Variants in PPP1R11 observed in about 807,000 individuals in gnomAD.
PPP1R11 encodes the protein E3 ubiquitin-protein ligase PPP1R11.
In PPP1R11, 10 loss-of-function variants were observed where a neutral mutation model predicts 11.3. The observed-to-expected ratio is 0.88, with a 90% CI of 0.55 to 1.50. The LOEUF (loss-of-function observed/expected upper bound fraction) is 1.50, where lower values mean the gene tolerates loss of function less well. PPP1R11 is among the 40% of genes most tolerant of loss of function. The pLI, the probability that PPP1R11 is intolerant of heterozygous loss-of-function variation, is 0.00. For missense variants in PPP1R11, 114 were observed against 179.1 expected (o/e 0.64, Z 2.07); for synonymous variants, 56 against 62.3 (o/e 0.90, Z 0.48).
rs1765765750 is a variant in PPP1R11 at position 30,069,365 on chromosome 6, A to G, written c.*59A>G. The G allele has an allele frequency of 1.5e-6, 2 of 1,312,324 alleles. No homozygotes were observed. The highest frequency in any genetic ancestry group is 4.4e-5 in the Admixed American group (2 of 45,570). 81.3% of individuals were successfully genotyped at this position (1,312,324 alleles called of 1,614,324 possible). A position where few individuals can be genotyped will look rare whatever the true frequency, so the allele number is the denominator to read the frequency against. ...TGGCCCTAAATGTATCCATGTGGCT[A>G]CTTCTCCAGCCCCCTCCTTCCCTCT... On this transcript the variant is annotated 3_prime_UTR_variant, in exon 3 of 3. Transcript: ENST00000376772. The surrounding 1 kb of genome is among the most constrained non-coding windows in gnomAD (Gnocchi z 6.6).
At chr6:30,064,471 A>G (rs925952819), upstream of PPP1R11, among the ~76,000 whole-genome samples, 2 of 151,116 alleles carry the variant, frequency 1.3e-5, no homozygotes, top group East Asian at 3.9e-4. Context: ...CTTTGCTTTG[A>G]GGTTATAACT....
intron 1 of PPP1R11, chr6:30,068,309 C>T (rs970803607): frequency 3.4e-6 from 1 of 290,812 alleles, no homozygotes; most frequent in East Asian, 5.8e-5. Flanking sequence ...GGAGAAACAG[C>T]AAGGATTATA....
upstream of PPP1R11, chr6:30,062,123 A>T: frequency 6.9e-7 from 1 of 1,450,020 alleles, no homozygotes; most frequent in Admixed American, 1.7e-5. Flanking sequence ...AAGAGGGAAA[A>T]GAGATGTAAA....
upstream of PPP1R11, chr6:30,062,427 G>A (rs149510733): frequency 7.1e-5 from 57 of 802,028 alleles, no homozygotes; most frequent in East Asian, 1.5e-3. Flanking sequence ...GTTTCCCTTG[G>A]TCCCATCCCT....
chr6:30,063,752 T>C (rs1765298247), upstream of PPP1R11, among the ~76,000 whole-genome samples: 1 of 152,196 alleles, frequency 6.6e-6, no homozygotes. The surrounding 1 kb of genome is among the most constrained non-coding windows in gnomAD (Gnocchi z 4.1). Context: ...CATTTGTGTT[T>C]CTTTTCTAGG....
chr6:30,068,299 G>A (rs576510557), intron 1 of PPP1R11: 6 of 262,200 alleles, frequency 2.3e-5, no homozygotes, highest in Non-Finnish European at 2.9e-5. Context: ...GGAGGAAGAC[G>A]GAGAAACAGC....
intron 2 of PPP1R11, 105 bp from the exon 3 acceptor site, chr6:30,068,999 A>C (rs1765734043): frequency 8.3e-7 from 1 of 1,203,070 alleles, no homozygotes; most frequent in African/African-American, 1.5e-5. Flanking sequence ...TGGATCCTGG[A>C]AGGTAGGAGA....
chr6:30,061,315 T>C, the PPP1R11 span: 1 of 511,950 alleles, frequency 2.0e-6, no homozygotes, highest in Admixed American at 3.6e-5. The surrounding 1 kb of genome is among the most constrained non-coding windows in gnomAD (Gnocchi z 5.0). Flanking sequence ...CACCGGCCCC[T>C]GGAAAGGGTT....
upstream of PPP1R11, among the ~76,000 whole-genome samples, chr6:30,064,247 T>C (rs1230908507): frequency 1.3e-5 from 2 of 152,042 alleles, no homozygotes; most frequent in Non-Finnish European, 2.9e-5. Context: ...TAGTCAGATA[T>C]ATCTTTTAAA....
At chr6:30,066,693 T>C (rs1161428300), upstream of PPP1R11, 1 of 152,298 alleles carries the variant, frequency 6.6e-6, no homozygotes, top group Non-Finnish European at 1.5e-5. Flanking sequence ...TGCACTAAAC[T>C]GAACTGCTCA....
chr6:30,067,819 G>A (rs911681029), intron 1 of PPP1R11, among the ~76,000 whole-genome samples: 26 of 152,022 alleles, frequency 1.7e-4, no homozygotes, highest in Admixed American at 3.9e-4. Flanking sequence ...AAGAAAGCAT[G>A]GTTGGAGGCC....
upstream of PPP1R11, among the ~76,000 whole-genome samples, chr6:30,063,843 A>G (rs2127295888): frequency 6.6e-6 from 1 of 152,350 alleles, no homozygotes; most frequent in African/African-American, 2.4e-5. The surrounding 1 kb of genome is among the most constrained non-coding windows in gnomAD (Gnocchi z 4.1). Context: ...GATAGTATGA[A>G]TTTGAGCTGC....
chr6:30,062,090 T>C (rs1258962252), upstream of PPP1R11: 1 of 1,512,664 alleles, frequency 6.6e-7, no homozygotes, highest in Non-Finnish European at 9.2e-7. Context: ...TGCAAAGCTC[T>C]GGAGAGTTTT....
upstream of PPP1R11, chr6:30,064,742 G>T (rs749458555): frequency 3.1e-6 from 5 of 1,587,658 alleles, no homozygotes; most frequent in Middle Eastern, 6.7e-4. Flanking sequence ...CTTTCGGAAG[G>T]TGAAGGATAC....
chr6:30,069,210 C>T lies in PPP1R11; in HGVS notation c.285C>T (p.Arg95=). ...ATACACACTGTGTACGTGGCCACCG[C>T]AAAGGACGGCGTCGTGCAACCCTAG... The part of the protein sequence containing the change: ...CGHTHCVRGH[R]KGRRRATLGP... Residue 95 remains arginine, a synonymous_variant, in exon 3 of 3, where the codon CGC becomes CGT. Coordinates refer to ENST00000376772, the MANE Select transcript of PPP1R11 (RefSeq NM_021959.3). This position sits in a 1 kb window ranked among gnomAD's most constrained non-coding sequence, Gnocchi z 6.6. 6.2e-7 allele frequency: 1 copy of T among 1,612,974 alleles called. No individual in the cohort carries two copies. Among genetic ancestry groups the T allele is most frequent in the Non-Finnish European group, 8.5e-7 (1 of 1,179,986 alleles).
chr6:30,065,504 T>C (rs542775019), upstream of PPP1R11, among the ~76,000 whole-genome samples: 71 of 152,304 alleles, frequency 4.7e-4, 2 homozygotes, highest in African/African-American at 1.6e-3. The surrounding 1 kb of genome is among the most constrained non-coding windows in gnomAD (Gnocchi z 5.3). Context: ...TTATATGTAT[T>C]ATAAGTATAT....
upstream of PPP1R11, among the ~76,000 whole-genome samples, chr6:30,065,519 CATAT>C (rs1765444686): frequency 6.6e-6 from 1 of 151,950 alleles, no homozygotes; most frequent in Admixed American, 6.6e-5. This position sits in a 1 kb window ranked among gnomAD's most constrained non-coding sequence, Gnocchi z 5.3. Flanking sequence ...GTATATAATA[CATAT>C]ACAAAATATG....
chr6:30,067,609 G>A (rs1252919148), intron 1 of PPP1R11, 130 bp downstream of exon 1: 1 of 1,184,652 alleles, frequency 8.4e-7, no homozygotes, highest in African/African-American at 1.5e-5. Context: ...AATATCTAGG[G>A]CTGGGAGAAT....
rs1765713703 is a variant in PPP1R11, at chr6:30,068,703, G to GT, written c.178+6dup. 1 of 1,608,634 alleles carries GT rather than the reference G, an allele frequency of 6.2e-7. No homozygotes were observed. On this transcript the variant is annotated splice_donor_region_variant and intron_variant, in intron 2 of 2. Coordinates refer to ENST00000376772, the MANE Select transcript of PPP1R11 (RefSeq NM_021959.3). Reference sequence around the variant, plus strand: ...TGGGCCGCCGCTCATCCAAATGTGAGTAATTGTTGGCCCGCAGTAGCCCTG... The same window carrying GT: ...TGGGCCGCCGCTCATCCAAATGTGAGTTAATTGTTGGCCCGCAGTAGCCCTG...
Sources: gnomAD v4.1 joint callset for allele counts (sites outside exome capture counted in the v4.1 genomes callset) on GRCh38, gnomAD v4.1.1 for gene constraint, Gnocchi (gnomAD v3.1) non-coding constraint, MANE v1.5 for transcripts, NCBI Gene and HGNC (gene_info 2026-07-23, HGNC 2026-07-21) for gene names.